PAK3: variants seen among roughly 807,000 people sequenced by gnomAD.
PAK3 encodes the protein p21 (RAC1) activated kinase 3, also known as serine/threonine-protein kinase PAK 3.
Under a neutral mutation model 41.0 loss-of-function variants are expected in PAK3, and 4 were observed. The observed-to-expected ratio is 0.10, with a 90% CI of 0.05 to 0.22. PAK3 has a LOEUF of 0.22. Among genes scored for constraint, PAK3 ranks in the 10% least tolerant of loss-of-function variants. PAK3 has a pLI of 1.00. For synonymous variants in PAK3, 146 were observed against 139.6 expected, an observed-to-expected ratio of 1.05 and a Z score of -0.32; for missense variants, 205 against 409.9, an observed-to-expected ratio of 0.50 and a Z score of 4.32.
intron 10 of PAK3, among the ~76,000 whole-genome samples, chrX:111,168,350 A>T (rs2149220113): frequency 9.0e-6 from 1 of 111,715 alleles, no homozygotes; most frequent in Admixed American, 9.5e-5. Context: ...TGATTTGCTG[A>T]TTTTAAAAAA....
At chrX:111,011,400 G>A (rs956125099) in intron 1 of PAK3, among the ~76,000 whole-genome samples, 1 of 111,662 alleles carries the variant, frequency 9.0e-6, no homozygotes, top group African/African-American at 3.3e-5. Context: ...GGGTCTTCCT[G>A]TTCCACCACA....
intron 1 of PAK3, among the ~76,000 whole-genome samples, chrX:110,974,395 C>T (rs778348473): frequency 8.9e-6 from 1 of 111,846 alleles, no homozygotes; most frequent in East Asian, 2.8e-4. Context: ...ATACACCTTC[C>T]CAAGATTAAA....
At chrX:111,022,662 A>G (rs1213538887) in intron 1 of PAK3, among the ~76,000 whole-genome samples, 5 of 111,575 alleles carry the variant, frequency 4.5e-5, no homozygotes, top group Non-Finnish European at 7.5e-5. Flanking sequence ...AAATAACACA[A>G]TGAATAGAAT....
intron 1 of PAK3, among the ~76,000 whole-genome samples, chrX:110,969,431 G>T (rs1162681995): frequency 2.1e-5 from 2 of 97,221 alleles, no homozygotes; most frequent in African/African-American, 7.5e-5. Flanking sequence ...TTACAGGCGT[G>T]TGCTACCAGA....
chrX:111,165,741 G>A lies in PAK3; in HGVS notation c.766+2014G>A, dbSNP rs185913379. Among the ~76,000 whole-genome samples, 247 of 111,751 alleles carry A rather than the reference G, an allele frequency of 2.2e-3. 2 individuals carry two copies. Among genetic ancestry groups the A allele is most frequent in the African/African-American group, 7.6e-3 (234 of 30,768 alleles). ...TGCCTTAATAAAATGACTCTTATTTGGTATCTGTTTCAAATCTCAATAGAT... is the reference window on the plus strand; with the variant it reads ...TGCCTTAATAAAATGACTCTTATTTAGTATCTGTTTCAAATCTCAATAGAT... On this transcript the variant is annotated intron_variant, in intron 10 of 17. Transcript: ENST00000372007.
chrX:111,220,534 C>A lies in PAK3; in HGVS notation c.*87C>A. Reference sequence around the variant, plus strand: ...CAGGAAAGATGGAAGAAAAGACAGTCAAATGGGGTGGGGGTTCTTTACCTT... The same window carrying A: ...CAGGAAAGATGGAAGAAAAGACAGTAAAATGGGGTGGGGGTTCTTTACCTT... On this transcript the variant is annotated 3_prime_UTR_variant, in exon 18 of 18. Coordinates refer to ENST00000372007, the MANE Select transcript of PAK3 (RefSeq NM_002578.5). 1 of 614,746 alleles carries A rather than the reference C, an allele frequency of 1.6e-6. No homozygotes were observed. The highest frequency in any genetic ancestry group is 2.4e-5 in the South Asian group (1 of 42,476). The allele number at this position is 614,746 out of a possible 1,213,427, so 50.7% of individuals were successfully genotyped here.
In PAK3 at chrX:111,184,124, G is replaced by A. The variant is rs757147179; in HGVS notation, c.831-8003G>A. On this transcript the variant is annotated intron_variant, in intron 11 of 17. Transcript: ENST00000372007. ...TTTCCTTTGAGTCCTGATAATGCATGATTACTTTGTACTATCTGAGGGATT... is the reference window on the plus strand; with the variant it reads ...TTTCCTTTGAGTCCTGATAATGCATAATTACTTTGTACTATCTGAGGGATT... 4.5e-5 allele frequency among the ~76,000 whole-genome samples: 5 copies of A among 111,200 alleles called. No homozygotes were observed. The South Asian group carries it at 1.5e-3, about 34-fold the overall frequency.
Position 111,220,945 on chromosome X carries a change from C to CAAAAAAAAAAAAAAAA in PAK3, c.*500_*515dup. 1.0e-4 allele frequency: 5 copies of CAAAAAAAAAAAAAAAA among 49,409 alleles called. No homozygotes were observed. The highest frequency in any genetic ancestry group is 2.5e-4 in the Admixed American group (1 of 3,948). 4.1% of individuals were successfully genotyped at this position (49,409 alleles called of 1,213,427 possible). A position where few individuals can be genotyped will look rare whatever the true frequency, so the allele number is the denominator to read the frequency against. On this transcript the variant is annotated 3_prime_UTR_variant, in exon 18 of 18. Transcript: ENST00000372007. Reference sequence around the variant, plus strand: ...AAAAAAGAAAGCAAAAAAAGCAAGGCAAAAAAAAAAAAAAAAACAAACAAA... The same window carrying CAAAAAAAAAAAAAAAA: ...AAAAAAGAAAGCAAAAAAAGCAAGGCAAAAAAAAAAAAAAAAAAAAAAAAAAAAAAAAACAAACAAA...
chrX:111,060,661 T>C (rs780265802), intron 1 of PAK3, among the ~76,000 whole-genome samples: 1 of 111,919 alleles, frequency 8.9e-6, no homozygotes, highest in East Asian at 2.8e-4. Flanking sequence ...CATTTTGTTA[T>C]GTCTCTTTAG....
intron 11 of PAK3, 114 bp from the exon 12 acceptor site, chrX:111,192,013 A>G: frequency 2.0e-6 from 1 of 499,849 alleles, no homozygotes; most frequent in Non-Finnish European, 3.6e-6. Context: ...TTCTTACCTC[A>G]TAATTTTGAG....
intron 5 of PAK3, among the ~76,000 whole-genome samples, chrX:111,128,316 A>T (rs1222299607): frequency 8.9e-6 from 1 of 111,971 alleles, no homozygotes; most frequent in Non-Finnish European, 1.9e-5. Flanking sequence ...CCTGGGAATG[A>T]TGTGATGATC....
chrX:111,130,385 G>A (rs1452338913), intron 5 of PAK3, among the ~76,000 whole-genome samples: 1 of 111,958 alleles, frequency 8.9e-6, no homozygotes, highest in Non-Finnish European at 1.9e-5. Flanking sequence ...AATTTGTGGA[G>A]GACATATGTT....
intron 1 of PAK3, among the ~76,000 whole-genome samples, chrX:111,067,357 A>G (rs2092709345): frequency 9.0e-6 from 1 of 111,668 alleles, no homozygotes; most frequent in South Asian, 3.7e-4. Context: ...TTGCAACAAT[A>G]CTATGAGGAG....
At chrX:110,999,018 T>C (rs888527657) in intron 1 of PAK3, among the ~76,000 whole-genome samples, 4 of 111,681 alleles carry the variant, frequency 3.6e-5, no homozygotes, top group Non-Finnish European at 5.6e-5. Context: ...ATCTCTGTAG[T>C]CACTTGTTCC....
At chrX:111,163,818 T>C in intron 10 of PAK3, 91 bp downstream of exon 10, 1 of 743,087 alleles carries the variant, frequency 1.3e-6, no homozygotes, top group Admixed American at 2.3e-5. Context: ...AGTTTTAATC[T>C]GCTTATATGA....
chrX:111,149,029 A>G (rs2093990027), intron 7 of PAK3, among the ~76,000 whole-genome samples: 1 of 112,013 alleles, frequency 8.9e-6, no homozygotes, highest in Non-Finnish European at 1.9e-5. Context: ...CCTAGATACA[A>G]TAGAGGTACA....
intron 1 of PAK3, among the ~76,000 whole-genome samples, chrX:110,960,597 G>A (rs1399764411): frequency 9.0e-6 from 1 of 111,371 alleles, no homozygotes; most frequent in Non-Finnish European, 1.9e-5. Flanking sequence ...AAATTGTAAG[G>A]ACACTGGCTC....
intron 1 of PAK3, among the ~76,000 whole-genome samples, chrX:110,972,924 C>T (rs1472345495): frequency 9.0e-6 from 1 of 111,477 alleles, no homozygotes; most frequent in Non-Finnish European, 1.9e-5. Context: ...CATGCACAAG[C>T]TTCAATAGCC....
At chrX:111,086,446 G>A (rs2148848629) in intron 1 of PAK3, among the ~76,000 whole-genome samples, 1 of 110,920 alleles carries the variant, frequency 9.0e-6, no homozygotes, top group Non-Finnish European at 1.9e-5. Flanking sequence ...TCTCTCTTAA[G>A]AACAGAATTA....
Sources: gnomAD v4.1 joint callset for allele counts (sites outside exome capture counted in the v4.1 genomes callset) on GRCh38, gnomAD v4.1.1 for gene constraint, MANE v1.5 for transcripts, NCBI Gene and HGNC (gene_info 2026-07-23, HGNC 2026-07-21) for gene names.